Variants in IDE observed in about 807,000 individuals in gnomAD.
IDE encodes the protein insulin degrading enzyme, also known as insulin-degrading enzyme.
A neutral mutation model predicts 133.2 loss-of-function variants in IDE; 58 were observed. That is an observed-to-expected ratio of 0.44 (90% CI 0.35 to 0.54). IDE has a LOEUF of 0.54. IDE is among the 20% of genes least tolerant of loss of function. IDE has a pLI of 0.00. For missense variants in IDE, 981 were observed against 1,234.0 expected (o/e 0.79, Z 3.07); for synonymous variants, 396 against 421.3 (o/e 0.94, Z 0.73).
chr10:92,453,480 T>C lies in IDE; in HGVS notation c.*964A>G, dbSNP rs1181921373. On this transcript the variant is annotated 3_prime_UTR_variant, in exon 25 of 25. Coordinates refer to ENST00000265986, the MANE Select transcript of IDE (RefSeq NM_004969.4). ...ATATTTCCAAAAAGGTGGCTTTGTA[T>C]TGGCTGCCTTTTAAATTCATAAAGG... 6.6e-6 allele frequency: 1 copy of C among 152,188 alleles called. No homozygotes were observed. The highest frequency in any genetic ancestry group is 1.5e-5 in the Non-Finnish European group (1 of 68,026). The allele number at this position is 152,188 out of a possible 1,614,324, so 9.4% of individuals were successfully genotyped here.
intron 1 of IDE, among the ~76,000 whole-genome samples, chr10:92,552,850 T>A (rs1589529930): frequency 6.6e-5 from 1 of 15,210 alleles, no homozygotes; most frequent in African/African-American, 3.6e-4. Flanking sequence ...AGAGTAAGAC[T>A]CAGTCTCAAA....
intron 1 of IDE, among the ~76,000 whole-genome samples, chr10:92,537,852 T>G (rs986258415): frequency 6.6e-6 from 1 of 151,406 alleles, no homozygotes; most frequent in African/African-American, 2.4e-5. Flanking sequence ...TAGAATAGAG[T>G]TTTTTTTGCT....
chr10:92,472,070 T>C (rs1239761522), intron 17 of IDE, among the ~76,000 whole-genome samples: 1 of 152,178 alleles, frequency 6.6e-6, no homozygotes, highest in Non-Finnish European at 1.5e-5. Context: ...TCACACTGAG[T>C]TGTTTCCAAA....
chr10:92,456,844 C>CAAAAAAAAAAAAAA (rs57422406), intron 22 of IDE, among the ~76,000 whole-genome samples: 39 of 52,178 alleles, frequency 7.5e-4, no homozygotes, highest in East Asian at 2.6e-3. Flanking sequence ...GACTCTGTCT[C>CAAAAAAAAAAAAAA]AAAAAAAAAA....
intron 13 of IDE, among the ~76,000 whole-genome samples, chr10:92,484,754 A>G (rs1179580974): frequency 1.3e-5 from 2 of 152,040 alleles, no homozygotes; most frequent in African/African-American, 4.8e-5. Flanking sequence ...GAAAGAAAGA[A>G]AAAAAGAAAC....
At chr10:92,563,285 CT>C (rs1438928534) in intron 1 of IDE, among the ~76,000 whole-genome samples, 6 of 151,824 alleles carry the variant, frequency 4.0e-5, no homozygotes, top group African/African-American at 1.4e-4. Flanking sequence ...ACCCCCATCT[CT>C]ACTAAAAATA....
chr10:92,532,267 CAAAA>C (rs59732643), intron 3 of IDE, among the ~76,000 whole-genome samples: 1 of 104,868 alleles, frequency 9.5e-6, no homozygotes, highest in Admixed American at 1.0e-4. Flanking sequence ...GCTAATGCTC[CAAAA>C]AAAAAAAAAA....
chr10:92,555,497 CAAAA>C (rs71306837), intron 1 of IDE, among the ~76,000 whole-genome samples: 2 of 91,990 alleles, frequency 2.2e-5, no homozygotes, highest in Admixed American at 1.1e-4. Context: ...AACTTTGTCT[CAAAA>C]AAAAAAAAAA....
rs1844763361 is a variant in IDE, at chr10:92,451,910, C to G, written c.*2534G>C. 1 of 152,150 alleles carries G rather than the reference C, an allele frequency of 6.6e-6. No individual in the cohort carries two copies. The allele number at this position is 152,150 out of a possible 1,614,324, so 9.4% of individuals were successfully genotyped here. ...TAGAGGAGAGAAATATTTTTTCTAT[C>G]CTTTTTATTTTCATCCCTGTAAGGG... On this transcript the variant is annotated 3_prime_UTR_variant, in exon 25 of 25. Coordinates refer to ENST00000265986, the MANE Select transcript of IDE (RefSeq NM_004969.4).
At chr10:92,515,908 G>A (rs559086302) in intron 4 of IDE, among the ~76,000 whole-genome samples, 4 of 149,500 alleles carry the variant, frequency 2.7e-5, no homozygotes, top group East Asian at 2.0e-4. Flanking sequence ...CATGGCTCAC[G>A]CCTATAATCC....
chr10:92,465,687 T>C lies in IDE; in HGVS notation c.2477A>G (p.Lys826Arg). 1 of 1,612,114 alleles carries C rather than the reference T, an allele frequency of 6.2e-7. No homozygotes were observed. The highest frequency in any genetic ancestry group is 8.5e-7 in the Non-Finnish European group (1 of 1,178,238). Residue 826 changes from lysine (K) to arginine (R), a missense_variant, in exon 20 of 25, where the codon AAG becomes AGG. Physicochemically the swap from Lys to Arg is conservative, Grantham distance 26 (BLOSUM62 2). Around this residue, in one of 2 missense-constraint regions of IDE, gnomAD observed 660 missense variants for 894.7 expected, o/e 0.74. Coordinates refer to ENST00000265986, the MANE Select transcript of IDE (RefSeq NM_004969.4). ...SEPCFNTLRTKEQLGYIVFSG... is the reference protein window; with the variant it reads ...SEPCFNTLRTREQLGYIVFSG... The stretch of plus-strand genomic sequence containing the variant: ...CACTTTCCTCTCACCCAACTGCTCC[T>C]TGGTGCGCAGGGTGTTGAAGCAAGG...
chr10:92,538,550 C>A (rs1012440539), intron 1 of IDE, among the ~76,000 whole-genome samples: 5 of 152,214 alleles, frequency 3.3e-5, no homozygotes, highest in Admixed American at 6.5e-5. Flanking sequence ...GCAATCTTAA[C>A]AGAAATGTCA....
At chr10:92,566,044 AC>A (rs1843526830) in intron 1 of IDE, among the ~76,000 whole-genome samples, 2 of 151,786 alleles carry the variant, frequency 1.3e-5, no homozygotes, top group Non-Finnish European at 2.9e-5. Context: ...CCACATAATT[AC>A]CGTGGCCATT....
intron 14 of IDE, among the ~76,000 whole-genome samples, chr10:92,481,603 T>C (rs978728961): frequency 6.6e-6 from 1 of 152,212 alleles, no homozygotes; most frequent in African/African-American, 2.4e-5. Flanking sequence ...TATGCTTAAA[T>C]ATGGATCACA....
intron 4 of IDE, among the ~76,000 whole-genome samples, chr10:92,516,051 C>T (rs1848907430): frequency 6.6e-6 from 1 of 151,312 alleles, no homozygotes; most frequent in Non-Finnish European, 1.5e-5. Flanking sequence ...TGCCTGTAAT[C>T]CCAGCTACTT....
intron 1 of IDE, among the ~76,000 whole-genome samples, chr10:92,556,723 A>T (rs1311218402): frequency 6.6e-6 from 1 of 152,074 alleles, no homozygotes; most frequent in Non-Finnish European, 1.5e-5. Context: ...GCGCCACTGC[A>T]CTCCAGCCTG....
At chr10:92,567,438 CTT>C (rs1843608073) in intron 1 of IDE, among the ~76,000 whole-genome samples, 1 of 152,200 alleles carries the variant, frequency 6.6e-6, no homozygotes, top group South Asian at 2.1e-4. Flanking sequence ...TGCAGACACT[CTT>C]CTTTCCTTGT....
intron 22 of IDE, among the ~76,000 whole-genome samples, chr10:92,457,289 A>T (rs940397158): frequency 2.6e-5 from 4 of 152,166 alleles, no homozygotes; most frequent in African/African-American, 9.7e-5. Flanking sequence ...AAGGAAACTA[A>T]CAATTACTGA....
rs1845646782 is a variant in IDE, at chr10:92,465,698, G to T, written c.2466C>A (p.Thr822=). The change falls in exon 20 of 25, where the codon ACC becomes ACA. Residue 822 remains threonine, a synonymous_variant. Coordinates refer to ENST00000265986, the MANE Select transcript of IDE (RefSeq NM_004969.4). ...CACCCAACTGCTCCTTGGTGCGCAGGGTGTTGAAGCAAGGTTCCGAGATAA... is the reference window on the plus strand; with the variant it reads ...CACCCAACTGCTCCTTGGTGCGCAGTGTGTTGAAGCAAGGTTCCGAGATAA... ...CQIISEPCFN[T]LRTKEQLGYI... is the part of the protein sequence containing the mutation. 2 of 1,613,268 alleles carry T rather than the reference G, an allele frequency of 1.2e-6. No homozygotes were observed. Among genetic ancestry groups the T allele is most frequent in the Non-Finnish European group, 1.7e-6 (2 of 1,179,446 alleles).
Sources: allele counts gnomAD v4.1 joint callset (sites outside exome capture counted in the v4.1 genomes callset), GRCh38; gene constraint gnomAD v4.1.1; regional missense constraint gnomAD v4.1.1; transcripts MANE v1.5; gene names NCBI Gene and HGNC (gene_info 2026-07-23, HGNC 2026-07-21).